Variants in HS3ST5 observed in about 807,000 individuals in gnomAD.
HS3ST5 encodes heparan sulfate glucosamine 3-O-sulfotransferase 5.
In HS3ST5, 10 loss-of-function variants were observed where a neutral mutation model predicts 25.4. The ratio of observed to expected loss-of-function variants is 0.39; its 90% confidence interval spans 0.24 to 0.67. The LOEUF is 0.67. Among genes scored for constraint, HS3ST5 ranks in the 30% least tolerant of loss-of-function variants. HS3ST5 has a pLI of 0.44. For missense variants in HS3ST5, 324 were observed against 420.7 expected (o/e 0.77, Z 2.01); for synonymous variants, 170 against 162.4 (o/e 1.05, Z -0.36).
intron 3 of HS3ST5, among the ~76,000 whole-genome samples, chr6:114,100,396 C>G (rs778354735): frequency 3.6e-4 from 55 of 152,160 alleles, no homozygotes; most frequent in Admixed American, 6.5e-4. Context: ...CATAGACGAG[C>G]AGTAGTATGG....
chr6:114,141,862 G>C (rs1777920381), intron 3 of HS3ST5, among the ~76,000 whole-genome samples: 1 of 2,654 alleles, frequency 3.8e-4, no homozygotes, highest in African/African-American at 4.0e-4. Flanking sequence ...GATAGTTTGT[G>C]TGTGTGTGTG....
chr6:114,247,476 A>G (rs574298376), intron 1 of HS3ST5, among the ~76,000 whole-genome samples: 4 of 152,358 alleles, frequency 2.6e-5, no homozygotes, highest in African/African-American at 9.6e-5. Context: ...GTTTGAGACT[A>G]GTCCAAGAAA....
intron 3 of HS3ST5, among the ~76,000 whole-genome samples, chr6:114,126,999 A>G (rs1297485840): frequency 6.6e-6 from 1 of 152,186 alleles, no homozygotes; most frequent in African/African-American, 2.4e-5. Flanking sequence ...GGGGATAATG[A>G]TATATAAGAG....
chr6:114,194,673 T>C (rs1780656957), intron 2 of HS3ST5, among the ~76,000 whole-genome samples: 1 of 152,154 alleles, frequency 6.6e-6, no homozygotes, highest in Admixed American at 6.5e-5. Context: ...CCCTTTGACA[T>C]CAGAGTGTGG....
intron 3 of HS3ST5, among the ~76,000 whole-genome samples, chr6:114,146,517 AGGCCAAT>A (rs1337030466): frequency 6.6e-6 from 1 of 152,220 alleles, no homozygotes; most frequent in Admixed American, 6.5e-5. Context: ...GAAGCCATGG[AGGCCAAT>A]GGCCAAGAAT....
chr6:114,208,421 A>G (rs1781372189), intron 2 of HS3ST5, among the ~76,000 whole-genome samples: 1 of 152,200 alleles, frequency 6.6e-6, no homozygotes, highest in Non-Finnish European at 1.5e-5. Flanking sequence ...TCACCCAGAC[A>G]ATTATTGTCC....
At chr6:114,083,344 C>T (rs1774572965) in intron 3 of HS3ST5, among the ~76,000 whole-genome samples, 1 of 152,098 alleles carries the variant, frequency 6.6e-6, no homozygotes, top group Admixed American at 6.6e-5. Flanking sequence ...AGGTAAGGCA[C>T]CTAACAAAAT....
At chr6:114,257,956 G>A (rs1057028452) in intron 1 of HS3ST5, among the ~76,000 whole-genome samples, 4 of 152,010 alleles carry the variant, frequency 2.6e-5, no homozygotes, top group South Asian at 2.1e-4. Flanking sequence ...GAGGTCTCTC[G>A]CTATGTTGCC....
At chr6:114,267,759 G>A (rs1211073849) in intron 1 of HS3ST5, among the ~76,000 whole-genome samples, 1 of 152,124 alleles carries the variant, frequency 6.6e-6, no homozygotes, top group Non-Finnish European at 1.5e-5. Context: ...CCAGAAGCCA[G>A]GTAGAACAAG....
chr6:114,077,929 C>T (rs1774234178), intron 3 of HS3ST5, among the ~76,000 whole-genome samples: 1 of 152,026 alleles, frequency 6.6e-6, no homozygotes, highest in Admixed American at 6.6e-5. Context: ...CTTTTTTCTC[C>T]TTTTTAATTT....
At position 114,234,314 on chromosome 6, in the gene HS3ST5, T is replaced by C. The variant is rs542927595; in HGVS notation, c.-338-5536A>G. The stretch of plus-strand genomic sequence containing the variant: ...TTAGGATATTAGTAAAATTAATATA[T>C]ATAATATATATATATATGAAAAAGA... On this transcript the variant is annotated intron_variant, in intron 1 of 4. Coordinates refer to ENST00000312719, the MANE Select transcript of HS3ST5 (RefSeq NM_153612.4). Among the ~76,000 whole-genome samples, 31 of 148,606 alleles carry C rather than the reference T, an allele frequency of 2.1e-4. 1 individual carries two copies. The East Asian group carries it at 5.6e-3, about 27-fold the overall frequency.
chr6:114,203,421 C>A (rs923422186), intron 2 of HS3ST5, among the ~76,000 whole-genome samples: 1 of 152,114 alleles, frequency 6.6e-6, no homozygotes, highest in Non-Finnish European at 1.5e-5. Flanking sequence ...TATGTGGGAA[C>A]CCTGAATTCT....
intron 1 of HS3ST5, among the ~76,000 whole-genome samples, chr6:114,300,507 T>C (rs574296147): frequency 4.6e-5 from 7 of 152,138 alleles, no homozygotes; most frequent in Admixed American, 4.6e-4. Context: ...CAATAATAAG[T>C]GCTGGTAAGA....
chr6:114,057,086 A>G lies in HS3ST5; in HGVS notation c.*171T>C. 1 of 527,994 alleles carries G rather than the reference A, an allele frequency of 1.9e-6. No homozygotes were observed. Among genetic ancestry groups the G allele is most frequent in the Non-Finnish European group, 3.2e-6 (1 of 309,360 alleles). 32.7% of individuals were successfully genotyped at this position (527,994 alleles called of 1,614,324 possible). ...AGACAGCAATTTTTTTTTTTTCGTA[A>G]ATTTTCAGTAGAAAAAGAACTGATC... On this transcript the variant is annotated 3_prime_UTR_variant, in exon 5 of 5. Transcript: ENST00000312719.
chr6:114,122,936 G>A (rs1166002855), intron 3 of HS3ST5, among the ~76,000 whole-genome samples: 1 of 152,242 alleles, frequency 6.6e-6, no homozygotes, highest in Admixed American at 6.5e-5. Flanking sequence ...TGTATATACA[G>A]ATAGTTTTTG....
At chr6:114,161,319 C>T (rs1778934457) in intron 3 of HS3ST5, among the ~76,000 whole-genome samples, 1 of 150,676 alleles carries the variant, frequency 6.6e-6, no homozygotes, top group African/African-American at 2.4e-5. Context: ...CAACATTCCT[C>T]CTTAGGAAAC....
chr6:114,154,512 T>TA (rs1778606241), intron 3 of HS3ST5, among the ~76,000 whole-genome samples: 1 of 151,766 alleles, frequency 6.6e-6, no homozygotes, highest in East Asian at 1.9e-4. Flanking sequence ...GAAATCAGTT[T>TA]AAAAAAAAGA....
chr6:114,252,192 G>A (rs997068841), intron 1 of HS3ST5, among the ~76,000 whole-genome samples: 6 of 151,986 alleles, frequency 3.9e-5, no homozygotes, highest in East Asian at 1.9e-4. Flanking sequence ...AACACTGTAA[G>A]TGTCTCTATG....
intron 1 of HS3ST5, among the ~76,000 whole-genome samples, chr6:114,273,171 G>C (rs1188400105): frequency 6.6e-6 from 1 of 152,062 alleles, no homozygotes; most frequent in Non-Finnish European, 1.5e-5. Flanking sequence ...GAGTGATAAT[G>C]GTGGAGAAGG....
Sources: gnomAD v4.1 joint callset for allele counts (sites outside exome capture counted in the v4.1 genomes callset) on GRCh38, gnomAD v4.1.1 for gene constraint, MANE v1.5 for transcripts, NCBI Gene and HGNC (gene_info 2026-07-23, HGNC 2026-07-21) for gene names.